CIMIP6: variants seen among roughly 807,000 people sequenced by gnomAD.
CIMIP6 encodes uncharacterized protein C2orf73.
the CIMIP6 span, among the ~76,000 whole-genome samples, chr2:54,332,639 C>T: frequency 2.0e-5 from 3 of 152,208 alleles, no homozygotes; most frequent in African/African-American, 7.2e-5. Flanking sequence ...ATATATTTCA[C>T]ACTTATTTAT....
At chr2:54,375,885 G>GT in the CIMIP6 span, among the ~76,000 whole-genome samples, 731 of 150,232 alleles carry the variant, frequency 4.9e-3, 7 homozygotes, top group African/African-American at 0.016. Context: ...TCATATAGGG[G>GT]GTGTGTGTGT....
chr2:54,366,222 G>C, the CIMIP6 span, among the ~76,000 whole-genome samples: 3 of 152,176 alleles, frequency 2.0e-5, no homozygotes, highest in African/African-American at 4.8e-5. Context: ...AAATGTCCTT[G>C]AAGGGAGGAT....
At chr2:54,361,851 A>T in the CIMIP6 span, among the ~76,000 whole-genome samples, 1 of 152,212 alleles carries the variant, frequency 6.6e-6, no homozygotes, top group Non-Finnish European at 1.5e-5. Context: ...TTTTATCCTC[A>T]TTGGAACAGG....
chr2:54,360,592 C>G, the CIMIP6 span: 8 of 1,449,670 alleles, frequency 5.5e-6, no homozygotes, highest in African/African-American at 1.2e-4. Flanking sequence ...AATCTAATCC[C>G]TGGAATATAG....
chr2:54,369,526 A>C, the CIMIP6 span, among the ~76,000 whole-genome samples: 1 of 152,246 alleles, frequency 6.6e-6, no homozygotes, highest in Non-Finnish European at 1.5e-5. Flanking sequence ...AAAGTGCTTT[A>C]GAATTTGTAA....
the CIMIP6 span, among the ~76,000 whole-genome samples, chr2:54,379,833 C>T: frequency 6.6e-6 from 1 of 151,690 alleles, no homozygotes; most frequent in Non-Finnish European, 1.5e-5. Context: ...AAAAGGAAGC[C>T]GAGCATGGTG....
chr2:54,374,930 A>T, the CIMIP6 span, among the ~76,000 whole-genome samples: 36 of 152,296 alleles, frequency 2.4e-4, no homozygotes, highest in African/African-American at 8.7e-4. Context: ...GCATTTATTA[A>T]TCTTACTGGA....
chr2:54,379,376 T>A, the CIMIP6 span, among the ~76,000 whole-genome samples: 1 of 152,344 alleles, frequency 6.6e-6, no homozygotes, highest in Admixed American at 6.5e-5. Flanking sequence ...TAGTGTTTCA[T>A]AATGTGTGGT....
At chr2:54,370,216 C>G in the CIMIP6 span, among the ~76,000 whole-genome samples, 134 of 152,040 alleles carry the variant, frequency 8.8e-4, no homozygotes, top group African/African-American at 3.2e-3. Flanking sequence ...GATTATGCCA[C>G]TGCACTCCAG....
the CIMIP6 span, among the ~76,000 whole-genome samples, chr2:54,359,640 G>A: frequency 2.0e-5 from 3 of 151,398 alleles, no homozygotes; most frequent in African/African-American, 4.9e-5. Flanking sequence ...TAATATCAAA[G>A]CAGTTTGACA....
the CIMIP6 span, among the ~76,000 whole-genome samples, chr2:54,366,721 G>A: frequency 6.6e-6 from 1 of 152,058 alleles, no homozygotes; most frequent in Non-Finnish European, 1.5e-5. Flanking sequence ...AGGCAGCAAT[G>A]GAGTAATATC....
chr2:54,341,531 A>C, the CIMIP6 span, among the ~76,000 whole-genome samples: 1 of 152,220 alleles, frequency 6.6e-6, no homozygotes, highest in Non-Finnish European at 1.5e-5. Flanking sequence ...ACGTGCACTT[A>C]CAGCCTCTAT....
chr2:54,382,147 T>C, the CIMIP6 span, among the ~76,000 whole-genome samples: 1 of 152,182 alleles, frequency 6.6e-6, no homozygotes, highest in Non-Finnish European at 1.5e-5. Flanking sequence ...CAACAAACAT[T>C]CTAATTTCCT....
chr2:54,330,905 C>T, the CIMIP6 span: 1 of 1,502,522 alleles, frequency 6.7e-7, no homozygotes, highest in Non-Finnish European at 9.2e-7. Flanking sequence ...GCTTTGCGCA[C>T]CCTTTTCCTG....
the CIMIP6 span, among the ~76,000 whole-genome samples, chr2:54,347,803 A>G: frequency 6.6e-6 from 1 of 152,138 alleles, no homozygotes; most frequent in South Asian, 2.1e-4. Flanking sequence ...CCTCAGAGGT[A>G]TGTGATGCCT....
the CIMIP6 span, among the ~76,000 whole-genome samples, chr2:54,378,266 C>T: frequency 2.0e-5 from 3 of 152,162 alleles, no homozygotes; most frequent in African/African-American, 7.2e-5. Flanking sequence ...GATAATATTC[C>T]CCTGGGTTAC....
the CIMIP6 span, chr2:54,360,478 C>A: frequency 6.3e-7 from 1 of 1,577,380 alleles, no homozygotes; most frequent in East Asian, 2.3e-5. Context: ...GAGAAAAGAC[C>A]TCAGGCGCCA....
the CIMIP6 span, among the ~76,000 whole-genome samples, chr2:54,379,976 T>TAA: frequency 0.012 from 1,671 of 136,688 alleles, 33 homozygotes; most frequent in African/African-American, 0.042. Flanking sequence ...AAAGTCCTTC[T>TAA]AAAAAAAAAA....
the CIMIP6 span, among the ~76,000 whole-genome samples, chr2:54,370,625 G>C: frequency 6.6e-6 from 1 of 152,148 alleles, no homozygotes; most frequent in Non-Finnish European, 1.5e-5. Context: ...GCTGACACTG[G>C]TTAGTTTGAA....
Sources: gnomAD v4.1 joint callset for allele counts (sites outside exome capture counted in the v4.1 genomes callset) on GRCh38, gnomAD v4.1.1 for gene constraint, MANE v1.5 for transcripts, NCBI Gene and HGNC (gene_info 2026-07-23, HGNC 2026-07-21) for gene names.